The following PARD6G variants were observed in gnomAD, a reference collection of about 807,000 sequenced individuals.
The protein encoded by PARD6G is par-6 family cell polarity regulator gamma.
Under a neutral mutation model 10.7 loss-of-function variants are expected in PARD6G, and 7 were observed. That is an observed-to-expected ratio of 0.66 (90% CI 0.37 to 1.23). The LOEUF (loss-of-function observed/expected upper bound fraction) is 1.23, where lower values mean the gene tolerates loss of function less well. Ranked by LOEUF, PARD6G falls within the 50% of genes most tolerant of loss-of-function variation. PARD6G has a pLI of 0.02. For synonymous variants in PARD6G, 287 were observed against 269.4 expected (o/e 1.07, Z -0.64); for missense variants, 548 against 571.8 (o/e 0.96, Z 0.42).
chr18:80,214,715 G>A (rs1321026080), intron 1 of PARD6G, among the ~76,000 whole-genome samples: 1 of 152,056 alleles, frequency 6.6e-6, no homozygotes, highest in African/African-American at 2.4e-5. Flanking sequence ...GAGCCTCAGA[G>A]GTCTGTGGGA....
In PARD6G at chr18:80,231,197, G is replaced by A. The variant is rs1476961707; in HGVS notation, c.72+16080C>T. ...ACTCCAGAAGCAACTAAGGGCTCAGGAGACTCTAGTGCTGAGAGGTAGGGC... is the reference window on the plus strand; with the variant it reads ...ACTCCAGAAGCAACTAAGGGCTCAGAAGACTCTAGTGCTGAGAGGTAGGGC... On this transcript the variant is annotated intron_variant, in intron 1 of 2. Transcript: ENST00000353265. This position sits in a 1 kb window ranked among gnomAD's most constrained non-coding sequence, Gnocchi z 4.2. 6.6e-6 allele frequency among the ~76,000 whole-genome samples: 1 copy of A among 152,198 alleles called. No homozygotes were observed. Among genetic ancestry groups the A allele is most frequent in the Non-Finnish European group, 1.5e-5 (1 of 68,038 alleles).
Position 80,236,164 on chromosome 18 carries a change from G to A in PARD6G, c.72+11113C>T, listed in dbSNP as rs910396586. ...AAAGCTTATCCACCACGATCAATTG[G>A]GCTTCATCCCTGGGATGCAAGGCTG... On this transcript the variant is annotated intron_variant, in intron 1 of 2. Transcript: ENST00000353265. Among the ~76,000 whole-genome samples, 5 of 152,204 alleles carry A rather than the reference G, an allele frequency of 3.3e-5. No individual in the cohort carries two copies. In the East Asian group the frequency reaches 5.8e-4, roughly 18 times the overall value.
chr18:80,208,658 A>T (rs1967078330), intron 1 of PARD6G, among the ~76,000 whole-genome samples: 2 of 152,164 alleles, frequency 1.3e-5, no homozygotes, highest in Admixed American at 6.5e-5. Context: ...AGTCCCAGCT[A>T]CTTGGAGGCT....
At position 80,160,010 on chromosome 18, in the gene PARD6G, C is replaced by A; in HGVS notation, c.892G>T (p.Asp298Tyr). The A allele has an allele frequency of 6.5e-7, 1 of 1,529,288 alleles. No individual in the cohort carries two copies. The highest frequency in any genetic ancestry group is 8.7e-7 in the Non-Finnish European group (1 of 1,145,104). 94.7% of individuals were successfully genotyped at this position (1,529,288 alleles called of 1,614,324 possible). A position where few individuals can be genotyped will look rare whatever the true frequency, so the allele number is the denominator to read the frequency against. The change falls in exon 3 of 3, where the codon GAC becomes TAC. Residue 298 changes from aspartate to tyrosine, a missense_variant. Asp to Tyr is a radical substitution (Grantham distance 160, BLOSUM62 -3). This residue lies in a region of PARD6G where 313 missense variants were observed against 279.9 expected (regional missense o/e 1.12). Coordinates refer to ENST00000353265, the MANE Select transcript of PARD6G (RefSeq NM_032510.4). ...FHPDEAESDE[D>Y]NDVVIEGTLE... Reference sequence around the variant, plus strand: ...GTGCCCTCGATGACGACGTCGTTGTCCTCATCGCTCTCCGCCTCGTCGGGG... The same window carrying A: ...GTGCCCTCGATGACGACGTCGTTGTACTCATCGCTCTCCGCCTCGTCGGGG...
Position 80,189,048 on chromosome 18 carries a change from G to C in PARD6G, c.295+13662C>G, listed in dbSNP as rs1344546968. 6.6e-6 allele frequency among the ~76,000 whole-genome samples: 1 copy of C among 152,192 alleles called. No individual in the cohort carries two copies. Among genetic ancestry groups the C allele is most frequent in the Non-Finnish European group, 1.5e-5 (1 of 68,044 alleles). ...GAACCCAGTTCTAGGGGCTGCCCAC[G>C]TGTCACTTCCACCCCAGATCTGGCT... On this transcript the variant is annotated intron_variant, in intron 2 of 2. Coordinates refer to ENST00000353265, the MANE Select transcript of PARD6G (RefSeq NM_032510.4). This position sits in a 1 kb window ranked among gnomAD's most constrained non-coding sequence, Gnocchi z 5.5.
chr18:80,164,101 G>A (rs953451276), intron 2 of PARD6G, among the ~76,000 whole-genome samples: 6 of 152,170 alleles, frequency 3.9e-5, no homozygotes, highest in Admixed American at 6.5e-5. Flanking sequence ...GACGGAACAC[G>A]TGTGGACAAT....
At chr18:80,234,230 C>T (rs1205451157) in intron 1 of PARD6G, among the ~76,000 whole-genome samples, 6 of 152,136 alleles carry the variant, frequency 3.9e-5, no homozygotes, top group Admixed American at 2.6e-4. Context: ...GTTCTCATCT[C>T]AGGTCCCAGC....
At chr18:80,163,936 A>G (rs914561953) in intron 2 of PARD6G, among the ~76,000 whole-genome samples, 2 of 152,206 alleles carry the variant, frequency 1.3e-5, no homozygotes, top group Admixed American at 6.5e-5. Flanking sequence ...GAGAAGCAAC[A>G]TGGCAGCAGC....
At chr18:80,222,069 G>T (rs991476874) in intron 1 of PARD6G, among the ~76,000 whole-genome samples, 20 of 151,784 alleles carry the variant, frequency 1.3e-4, no homozygotes, top group Non-Finnish European at 2.1e-4. Context: ...TCATGGATTA[G>T]AAAACTTAAT....
At chr18:80,177,828 C>T (rs556030666) in intron 2 of PARD6G, among the ~76,000 whole-genome samples, 1 of 151,770 alleles carries the variant, frequency 6.6e-6, no homozygotes, top group African/African-American at 2.4e-5. Flanking sequence ...CAAACACACA[C>T]AGGAAAAATC....
intron 1 of PARD6G, among the ~76,000 whole-genome samples, chr18:80,229,346 G>T (rs58823975): frequency 0.26 from 40,273 of 152,248 alleles, 6,924 homozygotes; most frequent in Non-Finnish European, 0.39. Flanking sequence ...CGAGGTCCCA[G>T]TTAGGTCAGA....
chr18:80,243,029 C>T (rs1967506901), intron 1 of PARD6G, among the ~76,000 whole-genome samples: 1 of 152,138 alleles, frequency 6.6e-6, no homozygotes, highest in African/African-American at 2.4e-5. Context: ...AAGTACGTGC[C>T]TTTCCCAGGT....
intron 1 of PARD6G, among the ~76,000 whole-genome samples, chr18:80,226,151 GTTTTTTTTTTTTTTTT>G (rs10606939): frequency 1.3e-5 from 1 of 76,574 alleles, no homozygotes; most frequent in East Asian, 4.6e-4. Context: ...AATGACTTCA[GTTTTTTTTTTTTTTTT>G]TTTTTTTTTT....
rs2052805205 is a variant in PARD6G, at chr18:80,175,824, TTTGTG to T, written c.296-15223_296-15219del. 1 of 167,110 alleles carries T rather than the reference TTTGTG, an allele frequency of 6.0e-6. No homozygotes were observed. Among genetic ancestry groups the T allele is most frequent in the East Asian group, 1.9e-4 (1 of 5,202 alleles). 10.4% of individuals were successfully genotyped at this position (167,110 alleles called of 1,614,324 possible). A position where few individuals can be genotyped will look rare whatever the true frequency, so the allele number is the denominator to read the frequency against. The stretch of plus-strand genomic sequence containing the variant: ...CTTCCTGGATGCACGACTGCTGTGT[TTTGTG>T]TTATGTTTTCTGAGAGACACCCTCA... On this transcript the variant is annotated intron_variant, in intron 2 of 2. Transcript: ENST00000353265. This position sits in a 1 kb window ranked among gnomAD's most constrained non-coding sequence, Gnocchi z 6.7.
rs371707710 is a variant in PARD6G at position 80,183,068 on chromosome 18, G to T, written c.295+19642C>A. 1 of 702,498 alleles carries T rather than the reference G, an allele frequency of 1.4e-6. No homozygotes were observed. Among genetic ancestry groups the T allele is most frequent in the Non-Finnish European group, 2.6e-6 (1 of 384,914 alleles). 43.5% of individuals were successfully genotyped at this position (702,498 alleles called of 1,614,324 possible). On this transcript the variant is annotated intron_variant, in intron 2 of 2. Transcript: ENST00000353265. This position sits in a 1 kb window ranked among gnomAD's most constrained non-coding sequence, Gnocchi z 4.5. ...CATCCATTCTCTACCATGGCATGCC[G>T]ACAACAGGGGCACAGAGAAGTCCCC...
intron 2 of PARD6G, among the ~76,000 whole-genome samples, chr18:80,185,911 C>A (rs1378221925): frequency 6.8e-6 from 1 of 146,316 alleles, no homozygotes; most frequent in East Asian, 2.1e-4. Flanking sequence ...CGCACCCACA[C>A]ATGCATACAC....
chr18:80,170,444 A>G (rs1002841409), intron 2 of PARD6G: 1 of 152,354 alleles, frequency 6.6e-6, no homozygotes, highest in Non-Finnish European at 1.5e-5. Flanking sequence ...GCCAGAGCAA[A>G]TCTATTTTCC....
rs1276007934 is a variant in PARD6G, at chr18:80,183,031, A to C, written c.295+19679T>G. 1.4e-6 allele frequency: 1 copy of C among 695,628 alleles called. No homozygotes were observed. Among genetic ancestry groups the C allele is most frequent in the Non-Finnish European group, 2.6e-6 (1 of 380,890 alleles). The allele number at this position is 695,628 out of a possible 1,614,324, so 43.1% of individuals were successfully genotyped here. A position where few individuals can be genotyped will look rare whatever the true frequency, so the allele number is the denominator to read the frequency against. ...GATGGCTGGGGTCTCATGAGGGGCC[A>C]GCTGCGTGGGCCATCCATTCTCTAC... On this transcript the variant is annotated intron_variant, in intron 2 of 2. Transcript: ENST00000353265. The surrounding 1 kb of genome is among the most constrained non-coding windows in gnomAD (Gnocchi z 4.5).
intron 2 of PARD6G, among the ~76,000 whole-genome samples, chr18:80,164,370 C>T (rs1234921915): frequency 6.6e-6 from 1 of 152,222 alleles, no homozygotes; most frequent in Middle Eastern, 3.2e-3. Context: ...ACTCCAAACC[C>T]TCCAACCTGT....
Sources: allele counts gnomAD v4.1 joint callset (sites outside exome capture counted in the v4.1 genomes callset), GRCh38; gene constraint gnomAD v4.1.1; regional missense constraint gnomAD v4.1.1; non-coding constraint Gnocchi (gnomAD v3.1); transcripts MANE v1.5; gene names NCBI Gene and HGNC (gene_info 2026-07-23, HGNC 2026-07-21).